DLC1: variants seen among roughly 807,000 people sequenced by gnomAD.
The protein encoded by DLC1 is rho GTPase-activating protein 7.
A neutral mutation model predicts 140.3 loss-of-function variants in DLC1; 54 were observed. The observed-to-expected ratio is 0.38, with a 90% confidence interval of 0.31 to 0.48. The LOEUF is 0.48. DLC1 is among the 20% of genes least tolerant of loss of function. The pLI, the probability that DLC1 is intolerant of heterozygous loss-of-function variation, is 0.96. For missense variants in DLC1, 2,536 were observed against 1,907.0 expected (o/e 1.33, Z -6.14); for synonymous variants, 986 against 728.1 (o/e 1.35, Z -5.70).
intron 1 of DLC1, among the ~76,000 whole-genome samples, chr8:13,504,227 A>G (rs955305666): frequency 6.6e-6 from 1 of 150,694 alleles, no homozygotes; most frequent in African/African-American, 2.4e-5. Context: ...CCTGGGTTCA[A>G]GTGATTCTCC....
At chr8:13,120,137 G>A (rs1820917501) in intron 5 of DLC1, among the ~76,000 whole-genome samples, 1 of 151,134 alleles carries the variant, frequency 6.6e-6, no homozygotes, top group African/African-American at 2.4e-5. Flanking sequence ...GAGCTCAGGA[G>A]TTCGAGACCA....
At chr8:13,296,617 C>A (rs545370915) in intron 5 of DLC1, among the ~76,000 whole-genome samples, 3 of 152,120 alleles carry the variant, frequency 2.0e-5, no homozygotes, top group African/African-American at 7.2e-5. Context: ...GTTTCATCTA[C>A]CAAATAAACA....
intron 5 of DLC1, among the ~76,000 whole-genome samples, chr8:13,130,773 C>T (rs1822009224): frequency 6.6e-6 from 1 of 152,198 alleles, no homozygotes; most frequent in Admixed American, 6.5e-5. Context: ...AACTATTTAT[C>T]CCCAGTCCCC....
At chr8:13,123,187 G>A (rs112674365) in intron 5 of DLC1, among the ~76,000 whole-genome samples, 13 of 152,232 alleles carry the variant, frequency 8.5e-5, no homozygotes, top group South Asian at 2.1e-4. Flanking sequence ...TACACGTCAC[G>A]TTAGTGAGTG....
At chr8:13,350,718 A>AAATAAAT (rs1563274782) in intron 4 of DLC1, among the ~76,000 whole-genome samples, 4 of 151,974 alleles carry the variant, frequency 2.6e-5, no homozygotes, top group African/African-American at 9.7e-5. Flanking sequence ...TCGATCTTAA[A>AAATAAAT]AAATAAATAA....
rs189480946 is a variant in DLC1, at chr8:13,099,505, C to A, written c.2832G>T (p.Pro944=). The part of the protein sequence containing the change: ...DSALDSVSPC[P]SSPKQIHLDV... ...CCAGGTGTATCTGTTTTGGAGAGGA[C>A]GGGCAGGGAGAGACCGAGTCCAGGG... Residue 944 remains proline, a synonymous_variant, in exon 9 of 18, where the codon CCG becomes CCT. Coordinates refer to ENST00000276297, the MANE Select transcript of DLC1 (RefSeq NM_182643.3). 2.4e-5 allele frequency: 38 copies of A among 1,614,144 alleles called. No individual in the cohort carries two copies. The East Asian group carries it at 7.6e-4, about 32-fold the overall frequency.
intron 2 of DLC1, among the ~76,000 whole-genome samples, chr8:13,425,629 G>T (rs1244360354): frequency 6.6e-6 from 1 of 150,668 alleles, no homozygotes; most frequent in Non-Finnish European, 1.5e-5. Context: ...GGACATTTTT[G>T]AAGTATTGAG....
At chr8:13,401,905 C>T (rs1837316691) in intron 2 of DLC1, among the ~76,000 whole-genome samples, 1 of 152,080 alleles carries the variant, frequency 6.6e-6, no homozygotes, top group South Asian at 2.1e-4. Flanking sequence ...ACTATTTTCC[C>T]ACTACCTATT....
At chr8:13,292,026 G>A (rs3860047) in intron 5 of DLC1, among the ~76,000 whole-genome samples, 6 of 150,420 alleles carry the variant, frequency 4.0e-5, no homozygotes, top group African/African-American at 9.8e-5. Flanking sequence ...GTAATCTAAC[G>A]AAACTGACTT....
intron 4 of DLC1, among the ~76,000 whole-genome samples, chr8:13,382,680 C>A (rs1836330273): frequency 6.6e-6 from 1 of 152,056 alleles, no homozygotes; most frequent in Admixed American, 6.5e-5. Context: ...AAATGTAGAT[C>A]ATACTCAAGA....
chr8:13,576,211 A>T (rs186525679), intron 1 of DLC1, among the ~76,000 whole-genome samples: 1 of 152,316 alleles, frequency 6.6e-6, no homozygotes, highest in African/African-American at 2.4e-5. Flanking sequence ...AATAACCCGC[A>T]TTGCTGTTCA....
intron 5 of DLC1, among the ~76,000 whole-genome samples, chr8:13,175,809 A>T (rs1276304530): frequency 6.6e-6 from 1 of 152,180 alleles, no homozygotes; most frequent in Non-Finnish European, 1.5e-5. Context: ...TGGCAGCACA[A>T]TCATGATACA....
intron 5 of DLC1, among the ~76,000 whole-genome samples, chr8:13,284,218 A>G (rs932786757): frequency 6.6e-6 from 1 of 152,222 alleles, no homozygotes. Context: ...CTATTAGCAG[A>G]AGAAAGAAAA....
intron 4 of DLC1, among the ~76,000 whole-genome samples, chr8:13,354,656 T>C (rs1400750194): frequency 2.0e-5 from 3 of 151,826 alleles, no homozygotes; most frequent in African/African-American, 4.8e-5. Flanking sequence ...ATGAAAATTT[T>C]AAATCGGGTC....
chr8:13,474,752 C>T (rs142959779), intron 2 of DLC1, among the ~76,000 whole-genome samples: 3,559 of 152,320 alleles, frequency 0.023, 63 homozygotes, highest in Middle Eastern at 0.041. Flanking sequence ...GTGACTGCTC[C>T]ATTGGATTTC....
In DLC1 at chr8:13,414,092, G is replaced by C. The variant is rs758236303; in HGVS notation, c.1024-12473C>G. 2.0e-5 allele frequency among the ~76,000 whole-genome samples: 3 copies of C among 151,956 alleles called. No individual in the cohort carries two copies. The East Asian group carries it at 5.8e-4, about 29-fold the overall frequency. Reference sequence around the variant, plus strand: ...AAGCTGACACCACAAACACGAAAAAGCTCCCCAGGAATTTTATTCCTTAAC... The same window carrying C: ...AAGCTGACACCACAAACACGAAAAACCTCCCCAGGAATTTTATTCCTTAAC... On this transcript the variant is annotated intron_variant, in intron 2 of 17. Transcript: ENST00000276297.
At chr8:13,534,702 C>A (rs1270368516) in intron 1 of DLC1, among the ~76,000 whole-genome samples, 1 of 152,198 alleles carries the variant, frequency 6.6e-6, no homozygotes, top group Admixed American at 6.5e-5. Context: ...GTGGCCAGAG[C>A]CAGCTGCTGT....
At chr8:13,481,935 A>G (rs556181244) in intron 2 of DLC1, among the ~76,000 whole-genome samples, 1 of 152,294 alleles carries the variant, frequency 6.6e-6, no homozygotes, top group African/African-American at 2.4e-5. Context: ...AAGATAATAT[A>G]CCTACAAGTC....
intron 4 of DLC1, among the ~76,000 whole-genome samples, chr8:13,363,390 A>G (rs1427401505): frequency 6.7e-6 from 1 of 148,748 alleles, no homozygotes; most frequent in African/African-American, 2.5e-5. Flanking sequence ...TTTTTTTTAA[A>G]CTTTATGGTG....
Sources: allele counts gnomAD v4.1 joint callset (sites outside exome capture counted in the v4.1 genomes callset), GRCh38; gene constraint gnomAD v4.1.1; transcripts MANE v1.5; gene names NCBI Gene and HGNC (gene_info 2026-07-23, HGNC 2026-07-21).